QTMAN: variants seen among roughly 807,000 people sequenced by gnomAD.
QTMAN encodes tRNA-queuosine alpha-mannosyltransferase.
the QTMAN span, among the ~76,000 whole-genome samples, chr2:144,192,802 C>A: frequency 6.6e-6 from 1 of 152,194 alleles, no homozygotes; most frequent in South Asian, 2.1e-4. Context: ...TTCACAATTT[C>A]TCTTGTGAAC....
the QTMAN span, among the ~76,000 whole-genome samples, chr2:143,963,363 A>C: frequency 6.6e-6 from 1 of 152,176 alleles, no homozygotes; most frequent in South Asian, 2.1e-4. Flanking sequence ...GATTTCACTA[A>C]GAAAAAATAC....
chr2:144,227,629 T>G, the QTMAN span, among the ~76,000 whole-genome samples: 1 of 152,162 alleles, frequency 6.6e-6, no homozygotes, highest in South Asian at 2.1e-4. Context: ...GTTCCTGTCC[T>G]CAGACATGGA....
At chr2:144,281,662 T>C in the QTMAN span, among the ~76,000 whole-genome samples, 1 of 152,096 alleles carries the variant, frequency 6.6e-6, no homozygotes, top group Non-Finnish European at 1.5e-5. Context: ...TGGGTCCTAA[T>C]CTAATCTGAC....
chr2:144,269,217 T>TTA, the QTMAN span, among the ~76,000 whole-genome samples: 1 of 152,224 alleles, frequency 6.6e-6, no homozygotes. Context: ...TACTTTTAAT[T>TTA]CATTTAAAAG....
the QTMAN span, among the ~76,000 whole-genome samples, chr2:144,331,667 C>T: frequency 6.6e-6 from 1 of 152,304 alleles, no homozygotes; most frequent in Admixed American, 6.5e-5. Flanking sequence ...AAAAAAACTA[C>T]TTCGGGACTA....
chr2:144,191,520 T>C, the QTMAN span, among the ~76,000 whole-genome samples: 1 of 152,152 alleles, frequency 6.6e-6, no homozygotes, highest in Non-Finnish European at 1.5e-5. Context: ...TATCTGGATA[T>C]AAACACAATT....
the QTMAN span, among the ~76,000 whole-genome samples, chr2:144,060,524 G>A: frequency 6.6e-6 from 1 of 152,122 alleles, no homozygotes; most frequent in Non-Finnish European, 1.5e-5. Flanking sequence ...GCCAACCAAA[G>A]TGCTAAAATT....
At chr2:144,019,045 T>C in the QTMAN span, among the ~76,000 whole-genome samples, 6 of 152,046 alleles carry the variant, frequency 3.9e-5, no homozygotes, top group East Asian at 1.9e-4. Flanking sequence ...GGCCAGAGCA[T>C]TGACTGGGCA....
the QTMAN span, chr2:144,177,337 T>C: frequency 8.4e-6 from 5 of 596,222 alleles, no homozygotes; most frequent in East Asian, 5.5e-5. Flanking sequence ...TGAAAAACAA[T>C]AGCCAAGTAA....
the QTMAN span, among the ~76,000 whole-genome samples, chr2:144,301,000 A>C: frequency 6.6e-6 from 1 of 152,164 alleles, no homozygotes; most frequent in Admixed American, 6.5e-5. Flanking sequence ...TAATCTGACC[A>C]TCTGTTTACC....
At chr2:144,077,411 C>T in the QTMAN span, among the ~76,000 whole-genome samples, 2 of 152,320 alleles carry the variant, frequency 1.3e-5, no homozygotes, top group East Asian at 3.9e-4. Context: ...AAAATACTCA[C>T]CATCCATCCT....
chr2:144,309,735 C>A, the QTMAN span, among the ~76,000 whole-genome samples: 2 of 152,128 alleles, frequency 1.3e-5, no homozygotes, highest in African/African-American at 2.4e-5. Context: ...AAAATAAGCA[C>A]ATTTTACTAT....
the QTMAN span, chr2:144,208,772 G>A: frequency 6.8e-6 from 11 of 1,609,846 alleles, no homozygotes; most frequent in Non-Finnish European, 7.6e-6. Context: ...TCAATGATGA[G>A]GATACTCATT....
chr2:144,331,649 G>A, the QTMAN span, among the ~76,000 whole-genome samples: 1 of 152,142 alleles, frequency 6.6e-6, no homozygotes, highest in Non-Finnish European at 1.5e-5. Flanking sequence ...GTATGTGCGA[G>A]AGAAGGCAAA....
At chr2:144,159,328 G>A in the QTMAN span, among the ~76,000 whole-genome samples, 2 of 151,860 alleles carry the variant, frequency 1.3e-5, no homozygotes, top group African/African-American at 2.4e-5. Context: ...GTGTTAAAAC[G>A]GTCCCCCATA....
the QTMAN span, among the ~76,000 whole-genome samples, chr2:144,247,684 C>CT: frequency 1.1e-4 from 16 of 152,022 alleles, no homozygotes; most frequent in African/African-American, 2.4e-4. Flanking sequence ...ATTTTCCTTT[C>CT]TTTTTTTTGA....
the QTMAN span, among the ~76,000 whole-genome samples, chr2:144,060,248 A>G: frequency 2.6e-5 from 4 of 151,828 alleles, no homozygotes; most frequent in Non-Finnish European, 5.9e-5. Context: ...AACCTAATCC[A>G]AGCATCTTAA....
the QTMAN span, chr2:144,295,156 C>G: frequency 2.0e-5 from 3 of 152,192 alleles, no homozygotes; most frequent in Non-Finnish European, 4.4e-5. Context: ...ACTCTGCACT[C>G]CAGCTTCTCT....
the QTMAN span, among the ~76,000 whole-genome samples, chr2:144,075,175 C>A: frequency 3.3e-5 from 5 of 152,048 alleles, no homozygotes; most frequent in African/African-American, 1.2e-4. Context: ...ATAAAGTTTA[C>A]GGGAAATGAA....
Sources: allele counts gnomAD v4.1 joint callset (sites outside exome capture counted in the v4.1 genomes callset), GRCh38; gene constraint gnomAD v4.1.1; transcripts MANE v1.5; gene names NCBI Gene and HGNC (gene_info 2026-07-23, HGNC 2026-07-21).